VPS13B: variants seen among roughly 807,000 people sequenced by gnomAD.
VPS13B encodes intermembrane lipid transfer protein VPS13B.
In VPS13B, 285 loss-of-function variants were observed where a neutral mutation model predicts 426.4. The ratio of observed to expected loss-of-function variants is 0.67; its 90% CI spans 0.61 to 0.74. The LOEUF is 0.74. Ranked by LOEUF, VPS13B falls within the 30% of genes least tolerant of loss-of-function variation. The pLI is 0.00. For missense variants in VPS13B, 4,537 were observed against 4,782.6 expected (o/e 0.95, Z 1.51); for synonymous variants, 1,676 against 1,676.4 (o/e 1.00, Z 0.01).
chr8:99,551,154 T>C (rs1001407102), intron 30 of VPS13B, among the ~76,000 whole-genome samples: 1 of 152,080 alleles, frequency 6.6e-6, no homozygotes, highest in Non-Finnish European at 1.5e-5. Context: ...CTTGTAGAGC[T>C]ATCAGTTTTT....
intron 29 of VPS13B, among the ~76,000 whole-genome samples, chr8:99,517,946 T>C (rs1822176141): frequency 6.6e-6 from 1 of 152,014 alleles, no homozygotes; most frequent in Non-Finnish European, 1.5e-5. Context: ...CTCGGTGATA[T>C]ATTTTGATAA....
chr8:99,585,401 C>T (rs960459676), intron 33 of VPS13B, among the ~76,000 whole-genome samples: 1 of 152,122 alleles, frequency 6.6e-6, no homozygotes, highest in Non-Finnish European at 1.5e-5. Flanking sequence ...AAACTGCAGA[C>T]TAATACCTCT....
At chr8:99,869,731 T>C (rs1220030000) in intron 59 of VPS13B, among the ~76,000 whole-genome samples, 3 of 152,226 alleles carry the variant, frequency 2.0e-5, no homozygotes, top group African/African-American at 7.2e-5. Context: ...TGCTCCCTTA[T>C]GTAAGAGGAT....
At chr8:99,637,721 A>G (rs1418787590) in intron 33 of VPS13B, among the ~76,000 whole-genome samples, 1 of 152,134 alleles carries the variant, frequency 6.6e-6, no homozygotes, top group African/African-American at 2.4e-5. Context: ...GTTAACACCT[A>G]TGGGAACACT....
intron 34 of VPS13B, among the ~76,000 whole-genome samples, chr8:99,643,237 C>G (rs1349184927): frequency 6.6e-6 from 1 of 152,034 alleles, no homozygotes; most frequent in Non-Finnish European, 1.5e-5. Flanking sequence ...CCAAAAAAAA[C>G]TGGAGAGGGT....
At chr8:99,236,947 G>A (rs912130053) in intron 17 of VPS13B, among the ~76,000 whole-genome samples, 1 of 152,180 alleles carries the variant, frequency 6.6e-6, no homozygotes, top group African/African-American at 2.4e-5. Flanking sequence ...GAATTCCCAC[G>A]TGTCGTGGGA....
intron 3 of VPS13B, among the ~76,000 whole-genome samples, chr8:99,062,049 T>C (rs1844217642): frequency 6.6e-6 from 1 of 152,222 alleles, no homozygotes; most frequent in Non-Finnish European, 1.5e-5. Context: ...AGCTCATGTC[T>C]CAACAGTATA....
intron 17 of VPS13B, among the ~76,000 whole-genome samples, chr8:99,228,758 G>A (rs1816158987): frequency 6.6e-6 from 1 of 152,134 alleles, no homozygotes; most frequent in African/African-American, 2.4e-5. Flanking sequence ...GATTGCGGGA[G>A]CTCCTTTAAT....
chr8:99,315,671 C>G (rs1809605207), intron 19 of VPS13B, among the ~76,000 whole-genome samples: 1 of 149,516 alleles, frequency 6.7e-6, no homozygotes, highest in Non-Finnish European at 1.5e-5. Context: ...GAGTCTTGCT[C>G]TGTTGCCCAG....
intron 35 of VPS13B, among the ~76,000 whole-genome samples, chr8:99,661,933 C>G (rs1183071948): frequency 6.6e-6 from 1 of 152,078 alleles, no homozygotes; most frequent in Non-Finnish European, 1.5e-5. Context: ...TTAAATGTAC[C>G]TGTTTCACAT....
At chr8:99,263,510 C>T (rs920920511) in intron 17 of VPS13B, among the ~76,000 whole-genome samples, 8 of 152,120 alleles carry the variant, frequency 5.3e-5, no homozygotes, top group Non-Finnish European at 1.2e-4. Context: ...TTTACAGGCT[C>T]TAAGATAAAA....
chr8:99,795,628 T>G (rs1350046357), intron 43 of VPS13B, among the ~76,000 whole-genome samples: 1 of 152,230 alleles, frequency 6.6e-6, no homozygotes, highest in Non-Finnish European at 1.5e-5. Flanking sequence ...TCTAACTAAG[T>G]GATTCCAGCT....
rs2133931320 is a variant in VPS13B, at chr8:99,641,794, T to C, written c.5221-17T>C. 1 of 1,600,176 alleles carries C rather than the reference T, an allele frequency of 6.2e-7. No individual in the cohort carries two copies. The highest frequency in any genetic ancestry group is 8.5e-7 in the Non-Finnish European group (1 of 1,170,692). ...CATGTAACTAGTTTGAAATATTTTATTACTTTTTTCTTACAGATCTCTAAA... is the reference window on the plus strand; with the variant it reads ...CATGTAACTAGTTTGAAATATTTTACTACTTTTTTCTTACAGATCTCTAAA... On this transcript the variant is annotated splice_polypyrimidine_tract_variant and intron_variant, in intron 33 of 61. Transcript: ENST00000357162.
At chr8:99,214,973 A>G (rs1475765523) in intron 17 of VPS13B, among the ~76,000 whole-genome samples, 6 of 152,174 alleles carry the variant, frequency 3.9e-5, no homozygotes, top group Non-Finnish European at 8.8e-5. Flanking sequence ...ATGTCTCTCT[A>G]TTTAATCTAT....
intron 21 of VPS13B, among the ~76,000 whole-genome samples, chr8:99,404,021 G>A (rs773594325): frequency 1.6e-4 from 24 of 152,120 alleles, no homozygotes; most frequent in Non-Finnish European, 2.5e-4. Context: ...AAGGAATTAC[G>A]ATATGTTTTT....
chr8:99,418,455 TTTTC>T (rs59187307), intron 21 of VPS13B, among the ~76,000 whole-genome samples: 27,822 of 122,348 alleles, frequency 0.23, 3,160 homozygotes, highest in African/African-American at 0.27. Context: ...TTTATCATAG[TTTTC>T]TTTCTTTCTT....
At chr8:99,386,049 A>G (rs1023007057) in intron 20 of VPS13B, among the ~76,000 whole-genome samples, 2 of 152,120 alleles carry the variant, frequency 1.3e-5, no homozygotes, top group African/African-American at 4.8e-5. Context: ...TAGAAAGTTT[A>G]CTCTAGCAGA....
At chr8:99,642,679 G>T (rs1438681393) in intron 34 of VPS13B, among the ~76,000 whole-genome samples, 181 bp downstream of exon 34, 3 of 152,134 alleles carry the variant, frequency 2.0e-5, no homozygotes, top group Admixed American at 2.0e-4. Context: ...ATGTATTGAG[G>T]TTTAGCTTAG....
chr8:99,184,440 T>A (rs1220831941), intron 16 of VPS13B, among the ~76,000 whole-genome samples: 1 of 152,156 alleles, frequency 6.6e-6, no homozygotes, highest in Non-Finnish European at 1.5e-5. Flanking sequence ...CTCATGGTAG[T>A]TTTATAAGAA....
Sources: allele counts gnomAD v4.1 joint callset (sites outside exome capture counted in the v4.1 genomes callset), GRCh38; gene constraint gnomAD v4.1.1; transcripts MANE v1.5; gene names NCBI Gene and HGNC (gene_info 2026-07-23, HGNC 2026-07-21).